The following ASXL2 variants were observed in gnomAD, a reference collection of about 807,000 sequenced individuals.
The protein encoded by ASXL2 is putative Polycomb group protein ASXL2.
A neutral mutation model predicts 122.0 loss-of-function variants in ASXL2; 23 were observed. The observed-to-expected ratio is 0.19, with a 90% CI of 0.14 to 0.27. The LOEUF is 0.27. Among genes scored for constraint, ASXL2 ranks in the 10% least tolerant of loss-of-function variants. The pLI, the probability that ASXL2 is intolerant of heterozygous loss-of-function variation, is 1.00. For missense variants in ASXL2, 1,518 were observed against 1,713.8 expected, an observed-to-expected ratio of 0.89 and a Z score of 2.02; for synonymous variants, 650 against 637.0, an observed-to-expected ratio of 1.02 and a Z score of -0.31.
Position 25,740,827 on chromosome 2 carries a change from G to T in ASXL2, c.*1202C>A. 5.1e-6 allele frequency: 1 copy of T among 194,252 alleles called. No individual in the cohort carries two copies. The highest frequency in any genetic ancestry group is 1.1e-5 in the Non-Finnish European group (1 of 93,424). The allele number at this position is 194,252 out of a possible 1,614,324, so 12.0% of individuals were successfully genotyped here. On this transcript the variant is annotated 3_prime_UTR_variant, in exon 13 of 13. Coordinates refer to ENST00000435504, the MANE Select transcript of ASXL2 (RefSeq NM_018263.6). ...GAAAAATGTCTTGTATTGTGTGTGT[G>T]TGTGTACATACACGTATGTGTAAAG...
rs145037529 is a variant in ASXL2 at position 25,804,790 on chromosome 2, C to T, written c.252+1439G>A. ...GAAGGCCGGGCACGGTGGCTCACGC[C>T]TGTAATCCCAGCACTTTGGGAGGCC... is the stretch of plus-strand genomic sequence containing the variant. On this transcript the variant is annotated intron_variant, in intron 4 of 12. Coordinates refer to ENST00000435504, the MANE Select transcript of ASXL2 (RefSeq NM_018263.6). Among the ~76,000 whole-genome samples the T allele has an allele frequency of 7.1e-4, 108 of 152,320 alleles. 1 individual carries two copies. In the East Asian group the frequency reaches 0.021, roughly 29 times the overall value.
At chr2:25,874,517 G>A (rs1206810977) in intron 1 of ASXL2, among the ~76,000 whole-genome samples, 2 of 152,026 alleles carry the variant, frequency 1.3e-5, no homozygotes, top group African/African-American at 2.4e-5. Context: ...TGGGCATGGT[G>A]GCACATGTGT....
chr2:25,775,127 TC>T (rs1474208205), intron 5 of ASXL2, among the ~76,000 whole-genome samples: 1 of 141,202 alleles, frequency 7.1e-6, no homozygotes, highest in Non-Finnish European at 1.6e-5. Flanking sequence ...TCAAATCTCA[TC>T]TTTTTTTTGT....
At chr2:25,760,981 A>G (rs1226159626) in intron 8 of ASXL2, among the ~76,000 whole-genome samples, 2 of 152,254 alleles carry the variant, frequency 1.3e-5, no homozygotes, top group Non-Finnish European at 2.9e-5. Flanking sequence ...GAAATCGATT[A>G]AACAGTAGTT....
At chr2:25,784,116 CGGT>C (rs1559510321) in intron 5 of ASXL2, among the ~76,000 whole-genome samples, 1 of 149,760 alleles carries the variant, frequency 6.7e-6, no homozygotes, top group Non-Finnish European at 1.5e-5. Flanking sequence ...TAGCCAGGTG[CGGT>C]GGCGTGCTGT....
intron 2 of ASXL2, among the ~76,000 whole-genome samples, chr2:25,842,530 C>T (rs1574443603): frequency 6.6e-6 from 1 of 152,012 alleles, no homozygotes; most frequent in African/African-American, 2.4e-5. Flanking sequence ...AGTTTAAAGT[C>T]CCAGAGCCTT....
intron 3 of ASXL2, among the ~76,000 whole-genome samples, chr2:25,829,101 G>C (rs919974151): frequency 6.6e-6 from 1 of 152,064 alleles, no homozygotes; most frequent in Admixed American, 6.6e-5. Flanking sequence ...ATGAGGAATA[G>C]GAAATAAAAA....
At chr2:25,747,785 C>G (rs2087966139) in intron 12 of ASXL2, among the ~76,000 whole-genome samples, 1 of 151,898 alleles carries the variant, frequency 6.6e-6, no homozygotes, top group Non-Finnish European at 1.5e-5. Context: ...TAATAAAAAT[C>G]AGAATCTCTG....
intron 5 of ASXL2, among the ~76,000 whole-genome samples, chr2:25,790,473 C>G (rs570413165): frequency 6.6e-6 from 1 of 151,562 alleles, no homozygotes; most frequent in South Asian, 2.1e-4. Context: ...TTAACTATAT[C>G]AAGACCCTGT....
chr2:25,837,091 G>T (rs569011458), intron 2 of ASXL2, among the ~76,000 whole-genome samples: 2 of 120,762 alleles, frequency 1.7e-5, no homozygotes, highest in Non-Finnish European at 3.4e-5. Flanking sequence ...GGGTGGGGGG[G>T]GGGGGCGTGG....
chr2:25,818,904 A>T (rs963599429), intron 3 of ASXL2, among the ~76,000 whole-genome samples: 1 of 152,146 alleles, frequency 6.6e-6, no homozygotes, highest in African/African-American at 2.4e-5. Flanking sequence ...GCTTCTAATA[A>T]TCAAAAAAGA....
intron 11 of ASXL2, among the ~76,000 whole-genome samples, 163 bp downstream of exon 11, chr2:25,753,371 A>G (rs2088078989): frequency 6.6e-6 from 1 of 151,768 alleles, no homozygotes; most frequent in Non-Finnish European, 1.5e-5. Flanking sequence ...TAAGAAAAAA[A>G]CTTCTTCCTA....
At chr2:25,828,484 G>T (rs1224866292) in intron 3 of ASXL2, among the ~76,000 whole-genome samples, 2 of 108,460 alleles carry the variant, frequency 1.8e-5, no homozygotes, top group Non-Finnish European at 3.7e-5. Context: ...CCCTCCCTGG[G>T]CAACAAAGAG....
intron 8 of ASXL2, among the ~76,000 whole-genome samples, chr2:25,764,055 G>C (rs1040297645): frequency 1.3e-5 from 2 of 152,168 alleles, no homozygotes; most frequent in African/African-American, 4.8e-5. Flanking sequence ...TCTTTTCAAA[G>C]TGAATAATAA....
intron 1 of ASXL2, among the ~76,000 whole-genome samples, chr2:25,858,030 G>T (rs1476222786): frequency 6.6e-6 from 1 of 152,054 alleles, no homozygotes; most frequent in East Asian, 1.9e-4. Context: ...TACATCCACA[G>T]ATCCTAGAGC....
At position 25,782,418 on chromosome 2, in the gene ASXL2, C is replaced by T. The variant is rs370985829; in HGVS notation, c.404-10878G>A. On this transcript the variant is annotated intron_variant, in intron 5 of 12. Coordinates refer to ENST00000435504, the MANE Select transcript of ASXL2 (RefSeq NM_018263.6). The stretch of plus-strand genomic sequence containing the variant: ...AAAATTAGCCGGGCGTGGTGACATG[C>T]GCCTGTAATCCCAACTACTCAGGAA... Among the ~76,000 whole-genome samples the T allele has an allele frequency of 3.3e-5, 5 of 151,854 alleles. No homozygotes were observed. The South Asian group carries it at 1.0e-3, about 32-fold the overall frequency.
At chr2:25,860,748 C>G (rs2089835520) in intron 1 of ASXL2, among the ~76,000 whole-genome samples, 1 of 140,636 alleles carries the variant, frequency 7.1e-6, no homozygotes, top group South Asian at 2.2e-4. Flanking sequence ...GTGTGGTGCT[C>G]ATGCCTGTAA....
chr2:25,820,909 G>T (rs1369754039), intron 3 of ASXL2, among the ~76,000 whole-genome samples: 2 of 152,036 alleles, frequency 1.3e-5, no homozygotes, highest in Non-Finnish European at 2.9e-5. Context: ...GCTCACGCCT[G>T]TAATCCTAGC....
chr2:25,755,800 A>G (rs2088119882), intron 10 of ASXL2, among the ~76,000 whole-genome samples: 1 of 152,266 alleles, frequency 6.6e-6, no homozygotes. Flanking sequence ...GAAGCTTTAT[A>G]TCATTAAAGA....
Sources: allele counts gnomAD v4.1 joint callset (sites outside exome capture counted in the v4.1 genomes callset), GRCh38; gene constraint gnomAD v4.1.1; transcripts MANE v1.5; gene names NCBI Gene and HGNC (gene_info 2026-07-23, HGNC 2026-07-21).